HSPG2: variants seen among roughly 807,000 people sequenced by gnomAD.
HSPG2 encodes basement membrane-specific heparan sulfate proteoglycan core protein.
HSPG2 carries 278 observed loss-of-function variants against 526.6 expected under a neutral mutation model. The observed-to-expected ratio is 0.53, with a 90% CI of 0.48 to 0.58. The LOEUF (loss-of-function observed/expected upper bound fraction) is 0.58. Among genes scored for constraint, HSPG2 ranks in the 20% least tolerant of loss-of-function variants. The pLI is 0.00. For synonymous variants in HSPG2, 2,465 were observed against 2,555.4 expected, an observed-to-expected ratio of 0.96 and a Z score of 1.07; for missense variants, 5,354 against 6,099.5, an observed-to-expected ratio of 0.88 and a Z score of 4.07.
intron 85 of HSPG2, 74 bp downstream of exon 85, chr1:21,830,908 T>C: frequency 1.0e-6 from 1 of 955,048 alleles, no homozygotes; most frequent in South Asian, 1.4e-5. Flanking sequence ...GTTGAGATGG[T>C]GGTGGATATG....
In HSPG2 at chr1:21,851,660, G is replaced by A; in HGVS notation, c.7044C>T (p.Ser2348=). The change falls in exon 55 of 97, where the codon TCC becomes TCT. Residue 2348 remains serine (S), a synonymous_variant. Coordinates refer to ENST00000374695, the MANE Select transcript of HSPG2 (RefSeq NM_005529.7). ...TCTGCCCTTCCGCCACTTGCGAGGA[G>A]GAGGGCTCGATGCGGATGGGCTGGG... ...GSTQPIRIEP[S]SSQVAEGQTL... is the part of the protein sequence containing the mutation. 1 of 1,613,980 alleles carries A rather than the reference G, an allele frequency of 6.2e-7. No homozygotes were observed. Among genetic ancestry groups the A allele is most frequent in the Non-Finnish European group, 8.5e-7 (1 of 1,180,004 alleles).
At chr1:21,830,807 A>C (rs2098000167) in intron 85 of HSPG2, 175 bp downstream of exon 85, 1 of 589,378 alleles carries the variant, frequency 1.7e-6, no homozygotes, top group African/African-American at 1.9e-5. Context: ...TGATGGGGTG[A>C]GGGCCTTCGG....
Position 21,866,255 on chromosome 1 carries a change from G to A in HSPG2, c.4222-446C>T, listed in dbSNP as rs562598493. On this transcript the variant is annotated intron_variant, in intron 33 of 96. Transcript: ENST00000374695. ...CCTCCTAGGCAGGTGGTTTTTGTTT[G>A]CCCAGTATCCAGTTCCTGCTTTCTA... is the stretch of plus-strand genomic sequence containing the variant. Among the ~76,000 whole-genome samples the A allele has an allele frequency of 1.6e-4, 25 of 152,252 alleles. No homozygotes were observed. In the South Asian group the frequency reaches 2.7e-3, roughly 16 times the overall value.
rs188746727 is a variant in HSPG2, at chr1:21,877,726, G to A, written c.2685+460C>T. ...TTGGCCAGGCTGGTCTTGAACTCCT[G>A]ACCTCAAGTGATCCACCCACCTCAG... On this transcript the variant is annotated intron_variant, in intron 21 of 96. Transcript: ENST00000374695. 1.8e-4 allele frequency among the ~76,000 whole-genome samples: 27 copies of A among 152,114 alleles called. 2 individuals are homozygous for A. In the East Asian group the frequency reaches 5.0e-3, roughly 28 times the overall value.
chr1:21,871,819 AAGTCGG>A lies in HSPG2; in HGVS notation c.4221+361_4221+366del, dbSNP rs569648388. ...ACAGAGCCAGCAGTGTGGATGAGTG[AAGTCGG>A]AGCGGGCACGTGAATGACACTGAAA... On this transcript the variant is annotated intron_variant, in intron 33 of 96. Coordinates refer to ENST00000374695, the MANE Select transcript of HSPG2 (RefSeq NM_005529.7). Among the ~76,000 whole-genome samples, 333 of 152,362 alleles carry A rather than the reference AAGTCGG, an allele frequency of 2.2e-3. 1 individual carries two copies. The highest frequency in any genetic ancestry group is 3.8e-3 in the Non-Finnish European group (257 of 68,030).
At chr1:21,853,248 C>T (rs996948614) in intron 50 of HSPG2, among the ~76,000 whole-genome samples, 178 bp from the exon 51 acceptor site, 1 of 152,232 alleles carries the variant, frequency 6.6e-6, no homozygotes, top group Non-Finnish European at 1.5e-5. Flanking sequence ...CTTCTTCCCT[C>T]CCCAGCCTCT....
chr1:21,846,351 C>T (rs1638435221), intron 63 of HSPG2, 96 bp from the exon 64 acceptor site: 5 of 1,604,210 alleles, frequency 3.1e-6, no homozygotes, highest in Non-Finnish European at 3.4e-6. Flanking sequence ...CAGGGGGGTA[C>T]TGCACCCCAC....
rs1375564930 is a variant in HSPG2 at position 21,828,186 on chromosome 1, G to A, written c.12410-34C>T. 1.2e-6 allele frequency: 2 copies of A among 1,612,420 alleles called. No homozygotes were observed. Among genetic ancestry groups the A allele is most frequent in the Non-Finnish European group, 1.7e-6 (2 of 1,179,726 alleles). ...CAGGGCAGAGGCGAGTGGGTGGGTG[G>A]GCATGGGCTGGAGGTGTCGCTGACC... On this transcript the variant is annotated intron_variant, in intron 89 of 96. Coordinates refer to ENST00000374695, the MANE Select transcript of HSPG2 (RefSeq NM_005529.7). The surrounding 1 kb of genome is among the most constrained non-coding windows in gnomAD (Gnocchi z 6.0).
chr1:21,838,760 A>C, intron 74 of HSPG2, 65 bp downstream of exon 74: 3 of 1,562,218 alleles, frequency 1.9e-6, no homozygotes, highest in Non-Finnish European at 2.6e-6. Context: ...GAGTCTGCCT[A>C]GCTGGGTCAT....
chr1:21,890,369 G>A lies in HSPG2; in HGVS notation c.413+58C>T. 1 of 1,532,836 alleles carries A rather than the reference G, an allele frequency of 6.5e-7. No individual in the cohort carries two copies. The highest frequency in any genetic ancestry group is 1.1e-5 in the South Asian group (1 of 89,362). The allele number at this position is 1,532,836 out of a possible 1,614,324, so 95.0% of individuals were successfully genotyped here. A position where few individuals can be genotyped will look rare whatever the true frequency, so the allele number is the denominator to read the frequency against. ...CCAGGCTTCCTTCCCATCCTCATCAGCCCCCTCCAGGTTACCCGCTCAAGT... is the reference window on the plus strand; with the variant it reads ...CCAGGCTTCCTTCCCATCCTCATCAACCCCCTCCAGGTTACCCGCTCAAGT... On this transcript the variant is annotated intron_variant, in intron 5 of 96. Transcript: ENST00000374695. The surrounding 1 kb of genome is among the most constrained non-coding windows in gnomAD (Gnocchi z 4.1).
intron 77 of HSPG2, 96 bp downstream of exon 77, chr1:21,834,583 A>C (rs923735678): frequency 1.4e-6 from 2 of 1,428,728 alleles, no homozygotes; most frequent in East Asian, 4.8e-5. Context: ...CCAAGTGAAC[A>C]GAAAGGAAGA....
intron 80 of HSPG2, 171 bp downstream of exon 80, chr1:21,833,097 G>A: frequency 1.5e-6 from 1 of 688,770 alleles, no homozygotes; most frequent in Non-Finnish European, 2.6e-6. Context: ...GGAGGCACAA[G>A]AGAAGGCACA....
Position 21,898,192 on chromosome 1 carries a change from C to T in HSPG2, c.64-1882G>A, listed in dbSNP as rs1642882484. On this transcript the variant is annotated intron_variant, in intron 1 of 96. Coordinates refer to ENST00000374695, the MANE Select transcript of HSPG2 (RefSeq NM_005529.7). This position sits in a 1 kb window ranked among gnomAD's most constrained non-coding sequence, Gnocchi z 4.0. ...TGTGCAATCTATAAGCATCTCCTGT[C>T]CTAGGCTGTGAGCTCCCTGGATGGG... Among the ~76,000 whole-genome samples the T allele has an allele frequency of 6.6e-6, 1 of 152,226 alleles. No individual in the cohort carries two copies. The highest frequency in any genetic ancestry group is 2.4e-5 in the African/African-American group (1 of 41,460).
At chr1:21,901,196 CTG>C (rs1643083622) in intron 1 of HSPG2, among the ~76,000 whole-genome samples, 1 of 152,086 alleles carries the variant, frequency 6.6e-6, no homozygotes, top group Non-Finnish European at 1.5e-5. Context: ...GATGAAGAAA[CTG>C]AGGCTCAGAG....
At chr1:21,862,166 A>C (rs754145004) in intron 37 of HSPG2, 51 bp from the exon 38 acceptor site, 1 of 1,603,166 alleles carries the variant, frequency 6.2e-7, no homozygotes, top group South Asian at 1.1e-5. Flanking sequence ...AATTTACCAG[A>C]AGCCTTTCAG....
At chr1:21,849,991 T>G (rs749867357) in intron 57 of HSPG2, 50 bp downstream of exon 57, 4 of 1,609,536 alleles carry the variant, frequency 2.5e-6, no homozygotes, top group Non-Finnish European at 3.4e-6. Flanking sequence ...CCTATGCTCT[T>G]GTACTGCAGC....
rs1572207454 is a variant in HSPG2, at chr1:21,846,690, C to T, written c.8165-91G>A. 8 of 1,414,620 alleles carry T rather than the reference C, an allele frequency of 5.7e-6. No homozygotes were observed. The East Asian group carries it at 9.1e-5, about 16-fold the overall frequency. The allele number at this position is 1,414,620 out of a possible 1,614,324, so 87.6% of individuals were successfully genotyped here. A position where few individuals can be genotyped will look rare whatever the true frequency, so the allele number is the denominator to read the frequency against. ...CCCTCTGCCATAGAAAATCTCACCCCCCAGAGTAACACTAATAGTTAACAC... is the reference window on the plus strand; with the variant it reads ...CCCTCTGCCATAGAAAATCTCACCCTCCAGAGTAACACTAATAGTTAACAC... On this transcript the variant is annotated intron_variant, in intron 62 of 96. Transcript: ENST00000374695.
Position 21,859,708 on chromosome 1 carries a change from C to G in HSPG2, c.5183-32G>C, listed in dbSNP as rs1382071335. 9 of 1,587,744 alleles carry G rather than the reference C, an allele frequency of 5.7e-6. No homozygotes were observed. In the Admixed American group the frequency reaches 1.4e-4, roughly 25 times the overall value. On this transcript the variant is annotated intron_variant, in intron 41 of 96. Coordinates refer to ENST00000374695, the MANE Select transcript of HSPG2 (RefSeq NM_005529.7). This position sits in a 1 kb window ranked among gnomAD's most constrained non-coding sequence, Gnocchi z 5.3. ...GGGAGGAGACAAGAGCTTGTTGGTG[C>G]AGATACACTCTTTCTCACATCCAGC...
rs772571689 is a variant in HSPG2 at position 21,887,660 on chromosome 1, C to T, written c.718G>A (p.Gly240Ser). 2 of 1,613,886 alleles carry T rather than the reference C, an allele frequency of 1.2e-6. No homozygotes were observed. Among genetic ancestry groups the T allele is most frequent in the South Asian group, 2.2e-5 (2 of 91,074 alleles). Reference protein sequence around the residue: ...DELNCEEPVLGISPTFSLLVE... With the variant: ...DELNCEEPVLSISPTFSLLVE... ...AGGAGAGAGAATGTGGGGCTGATACCCAGGACTGGCTCCTCTGTGGATAGA... is the reference window on the plus strand; with the variant it reads ...AGGAGAGAGAATGTGGGGCTGATACTCAGGACTGGCTCCTCTGTGGATAGA... The change falls in exon 8 of 97, where the codon GGT (glycine) becomes AGT (serine). Residue 240 changes from glycine (G) to serine (S), a missense_variant. Coordinates refer to ENST00000374695, the MANE Select transcript of HSPG2 (RefSeq NM_005529.7). This position sits in a 1 kb window ranked among gnomAD's most constrained non-coding sequence, Gnocchi z 5.0.
Sources: gnomAD v4.1 joint callset for allele counts (sites outside exome capture counted in the v4.1 genomes callset) on GRCh38, gnomAD v4.1.1 for gene constraint, Gnocchi (gnomAD v3.1) non-coding constraint, MANE v1.5 for transcripts, NCBI Gene and HGNC (gene_info 2026-07-23, HGNC 2026-07-21) for gene names.